The following GALNT9 variants were observed in gnomAD, a reference collection of about 807,000 sequenced individuals.
GALNT9 encodes polypeptide N-acetylgalactosaminyltransferase 9, also known as GalNAc transferase 9.
A neutral mutation model predicts 63.1 loss-of-function variants in GALNT9; 47 were observed. The observed-to-expected ratio is 0.75, with a 90% CI of 0.59 to 0.95. The LOEUF is 0.95. Ranked by LOEUF, GALNT9 falls within the 40% of genes least tolerant of loss-of-function variation. The pLI, the probability that GALNT9 is intolerant of heterozygous loss-of-function variation, is 0.00. For missense variants in GALNT9, 829 were observed against 874.8 expected, an observed-to-expected ratio of 0.95 and a Z score of 0.66; for synonymous variants, 396 against 365.7, an observed-to-expected ratio of 1.08 and a Z score of -0.94.
chr12:132,320,647 G>A (rs28649898), intron 1 of GALNT9, among the ~76,000 whole-genome samples: 3 of 123,832 alleles, frequency 2.4e-5, no homozygotes, highest in African/African-American at 6.1e-5. Flanking sequence ...CGTGGGACAC[G>A]GTGGAGGAGG....
intron 6 of GALNT9, among the ~76,000 whole-genome samples, chr12:132,221,051 C>CAAAA (rs550355613): frequency 3.7e-4 from 26 of 71,008 alleles, no homozygotes; most frequent in African/African-American, 1.5e-3. Flanking sequence ...GAGATTGTGT[C>CAAAA]AAAAAAAAAA....
chr12:132,222,568 G>A (rs937553564), intron 6 of GALNT9, among the ~76,000 whole-genome samples: 1 of 152,006 alleles, frequency 6.6e-6, no homozygotes, highest in Non-Finnish European at 1.5e-5. Flanking sequence ...GCACACAAGG[G>A]GCACCGCGAG....
rs1464649035 is a variant in GALNT9 at position 132,225,773 on chromosome 12, G to T, written c.1078-22083C>A. Among the ~76,000 whole-genome samples, 17 of 116,782 alleles carry T rather than the reference G, an allele frequency of 1.5e-4. No individual in the cohort carries two copies. In the East Asian group the frequency reaches 4.8e-3, roughly 33 times the overall value. The allele number at this position is 116,782 out of a possible 152,430, so 76.6% of individuals were successfully genotyped here. The stretch of plus-strand genomic sequence containing the variant: ...CCCCACAACCCACACTACACACGCT[G>T]TATACACCCCACACACGCCACACAA... On this transcript the variant is annotated intron_variant, in intron 6 of 10. Transcript: ENST00000328957.
chr12:132,317,151 C>T (rs560182320), intron 1 of GALNT9, among the ~76,000 whole-genome samples: 1 of 136,778 alleles, frequency 7.3e-6, no homozygotes, highest in African/African-American at 3.6e-5. Flanking sequence ...TCCTACACCC[C>T]ACAGAGCACG....
chr12:132,307,669 T>TAAA (rs35267743), intron 1 of GALNT9, among the ~76,000 whole-genome samples: 8,198 of 140,162 alleles, frequency 0.058, 523 homozygotes, highest in East Asian at 0.19. Flanking sequence ...TCATCTCTAC[T>TAAA]AAAAAAAAAA....
chr12:132,261,107 T>C lies in GALNT9; in HGVS notation c.602A>G (p.Asn201Ser). 2 of 1,551,374 alleles carry C rather than the reference T, an allele frequency of 1.3e-6. No homozygotes were observed. Among genetic ancestry groups the C allele is most frequent in the Non-Finnish European group, 8.7e-7 (1 of 1,146,926 alleles). Residue 201 changes from asparagine to serine, a missense_variant, in exon 4 of 11, where the codon AAT becomes AGT. By Grantham distance (46) the Asn-to-Ser change is conservative (BLOSUM62 1). Coordinates refer to ENST00000328957, the MANE Select transcript of GALNT9 (RefSeq NM_001122636.2). ...CCGCTTGTTGACGTACTGGTCCAGA[T>C]TGAACTTGAGTTCCACTGAGGAGAG... is the stretch of plus-strand genomic sequence containing the variant. ...DNSDNVELKFNLDQYVNKRYP... is the reference protein window; with the variant it reads ...DNSDNVELKFSLDQYVNKRYP...
chr12:132,241,105 C>A (rs1391598048), intron 6 of GALNT9, among the ~76,000 whole-genome samples: 210 of 41,076 alleles, frequency 5.1e-3, no homozygotes, highest in Non-Finnish European at 5.8e-3. Flanking sequence ...TCCCTATACC[C>A]ATTACACACA....
intron 6 of GALNT9, chr12:132,240,605 T>A (rs143828325): frequency 0.01 from 4,612 of 455,736 alleles, 177 homozygotes; most frequent in African/African-American, 0.082. Flanking sequence ...GCTCCGTGCG[T>A]GGCCCCGGGG....
At chr12:132,224,521 CACACACCCCACAT>C (rs1877561430) in intron 6 of GALNT9, among the ~76,000 whole-genome samples, 1 of 132,862 alleles carries the variant, frequency 7.5e-6, no homozygotes, top group African/African-American at 2.9e-5. Context: ...ACAGACACCC[CACACACCCCACAT>C]ACACCCCACA....
chr12:132,288,685 G>A (rs577644160), intron 1 of GALNT9, among the ~76,000 whole-genome samples: 1 of 150,404 alleles, frequency 6.6e-6, no homozygotes, highest in Non-Finnish European at 1.5e-5. Flanking sequence ...GCCCGGCATT[G>A]GACCCGGCAG....
chr12:132,214,241 C>T (rs1177983477), intron 6 of GALNT9, among the ~76,000 whole-genome samples: 4 of 152,202 alleles, frequency 2.6e-5, no homozygotes, highest in South Asian at 4.1e-4. Flanking sequence ...ACCAGGCCAG[C>T]GACTCCGCCC....
At chr12:132,255,434 A>G (rs1176310191) in intron 5 of GALNT9, among the ~76,000 whole-genome samples, 2 of 152,230 alleles carry the variant, frequency 1.3e-5, no homozygotes, top group African/African-American at 4.8e-5. Flanking sequence ...GATCCAGACA[A>G]GATTAACCAG....
At chr12:132,274,295 GC>G (rs1555241005) in intron 2 of GALNT9, 1 of 152,774 alleles carries the variant, frequency 6.5e-6, no homozygotes, top group African/African-American at 2.4e-5. Flanking sequence ...TCTGTGGCCT[GC>G]GCTCCAGGCC....
At chr12:132,201,874 T>G (rs377640572) in intron 7 of GALNT9, among the ~76,000 whole-genome samples, 2 of 152,084 alleles carry the variant, frequency 1.3e-5, no homozygotes, top group East Asian at 1.9e-4. Flanking sequence ...CCGAGTGCGG[T>G]GTCTGTGTCT....
At position 132,319,141 on chromosome 12, in the gene GALNT9, A is replaced by G. The variant is rs868911185; in HGVS notation, c.238+9825T>C. ...CTCCCCATGGTTGAAGCTAGTTGTG[A>G]TGGTGAATTCTGCATCCATAGAGAG... is the stretch of plus-strand genomic sequence containing the variant. On this transcript the variant is annotated intron_variant, in intron 1 of 10. Coordinates refer to ENST00000328957, the MANE Select transcript of GALNT9 (RefSeq NM_001122636.2). This position sits in a 1 kb window ranked among gnomAD's most constrained non-coding sequence, Gnocchi z 5.2. Among the ~76,000 whole-genome samples the G allele has an allele frequency of 2.6e-5, 4 of 151,886 alleles. No individual in the cohort carries two copies. The highest frequency in any genetic ancestry group is 6.6e-5 in the Admixed American group (1 of 15,266).
intron 7 of GALNT9, among the ~76,000 whole-genome samples, chr12:132,202,010 G>A (rs979786235): frequency 1.3e-5 from 2 of 152,360 alleles, no homozygotes; most frequent in African/African-American, 2.4e-5. Context: ...GAGGGCAGAC[G>A]ACTTGGCCTT....
rs564729740 is a variant in GALNT9 at position 132,212,904 on chromosome 12, T to C, written c.1078-9214A>G. 6.5e-4 allele frequency among the ~76,000 whole-genome samples: 67 copies of C among 102,494 alleles called. 1 individual carries two copies. Among genetic ancestry groups the C allele is most frequent in the African/African-American group, 2.5e-3 (62 of 25,084 alleles). The allele number at this position is 102,494 out of a possible 152,430, so 67.2% of individuals were successfully genotyped here. Reference sequence around the variant, plus strand: ...TCGACACGGAAACCCCACCCGGGTCTGCAGCTCTCAGACCGTGACATGGAA... The same window carrying C: ...TCGACACGGAAACCCCACCCGGGTCCGCAGCTCTCAGACCGTGACATGGAA... On this transcript the variant is annotated intron_variant, in intron 6 of 10. Coordinates refer to ENST00000328957, the MANE Select transcript of GALNT9 (RefSeq NM_001122636.2).
rs112344470 is a variant in GALNT9 at position 132,205,013 on chromosome 12, G to A, written c.1078-1323C>T. Among the ~76,000 whole-genome samples, 1,280 of 152,172 alleles carry A rather than the reference G, an allele frequency of 8.4e-3. 12 individuals carry two copies. Among genetic ancestry groups the A allele is most frequent in the Non-Finnish European group, 0.015 (1,003 of 67,986 alleles). On this transcript the variant is annotated intron_variant, in intron 6 of 10. Coordinates refer to ENST00000328957, the MANE Select transcript of GALNT9 (RefSeq NM_001122636.2). ...CCCTCCGCGGTGCTGAGAAGGTGCC[G>A]AGGCCGAGGGTGGTGCCAACTGCAG... is the stretch of plus-strand genomic sequence containing the variant.
intron 6 of GALNT9, among the ~76,000 whole-genome samples, chr12:132,230,301 C>A (rs1320173071): frequency 2.0e-5 from 3 of 152,176 alleles, no homozygotes; most frequent in African/African-American, 4.8e-5. Context: ...TCCGCCTTCC[C>A]GAGTTCCTGA....
Sources: gnomAD v4.1 joint callset for allele counts (sites outside exome capture counted in the v4.1 genomes callset) on GRCh38, gnomAD v4.1.1 for gene constraint, Gnocchi (gnomAD v3.1) non-coding constraint, MANE v1.5 for transcripts, NCBI Gene and HGNC (gene_info 2026-07-23, HGNC 2026-07-21) for gene names.